ANGPT2: variants seen among roughly 807,000 people sequenced by gnomAD.
The protein encoded by ANGPT2 is angiopoietin 2.
ANGPT2 carries 28 observed loss-of-function variants against 62.9 expected under a neutral mutation model. The observed-to-expected ratio is 0.44, with a 90% CI of 0.33 to 0.61. The LOEUF (loss-of-function observed/expected upper bound fraction) is 0.61. Among genes scored for constraint, ANGPT2 ranks in the 20% least tolerant of loss-of-function variants. ANGPT2 has a pLI of 0.03. For synonymous variants in ANGPT2, 284 were observed against 207.8 expected (o/e 1.37, Z -3.15); for missense variants, 727 against 594.9 (o/e 1.22, Z -2.31).
At chr8:6,509,988 G>C (rs1028946109) in intron 7 of ANGPT2, among the ~76,000 whole-genome samples, 5 of 152,128 alleles carry the variant, frequency 3.3e-5, no homozygotes, top group Non-Finnish European at 7.4e-5. Flanking sequence ...AAATCCCAAA[G>C]TGTAGTTTCT....
In ANGPT2 at chr8:6,503,125, C is replaced by T; in HGVS notation, c.1464G>A (p.Met488Ile). Residue 488 changes from methionine (M) to isoleucine (I), a missense_variant, in exon 9 of 9, where the codon ATG becomes ATA. By Grantham distance (10) the Met-to-Ile change is conservative (BLOSUM62 1). Coordinates refer to ENST00000629816, the MANE Select transcript of ANGPT2 (RefSeq NM_001118887.2). ...TTTAGAAATCTGCTGGTCGGATCAT[C>T]ATGGTTGTGGCCTTGAGCGAATAGC... ...GSGYSLKATT[M>I]MIRPADF 6.2e-7 allele frequency: 1 copy of T among 1,614,204 alleles called. No homozygotes were observed. The highest frequency in any genetic ancestry group is 8.5e-7 in the Non-Finnish European group (1 of 1,180,040).
chr8:6,562,982 A>T lies in ANGPT2; in HGVS notation c.-48T>A. 1 of 1,541,024 alleles carries T rather than the reference A, an allele frequency of 6.5e-7. No individual in the cohort carries two copies. The highest frequency in any genetic ancestry group is 8.8e-7 in the Non-Finnish European group (1 of 1,136,476). On this transcript the variant is annotated 5_prime_UTR_variant, in exon 1 of 9. Coordinates refer to ENST00000629816, the MANE Select transcript of ANGPT2 (RefSeq NM_001118887.2). ...CAGCTTAGCAAACTTGAGGGCAAACACACGTCCAGAGTCCCGAGCTGCTGC... is the reference window on the plus strand; with the variant it reads ...CAGCTTAGCAAACTTGAGGGCAAACTCACGTCCAGAGTCCCGAGCTGCTGC...
At chr8:6,559,017 T>C (rs3020236) in intron 1 of ANGPT2, among the ~76,000 whole-genome samples, 20,751 of 152,088 alleles carry the variant, frequency 0.14, 3,938 homozygotes, top group African/African-American at 0.43. Flanking sequence ...CCTTACTATA[T>C]AGTAATACTA....
At chr8:6,554,914 A>G (rs1256013749) in intron 1 of ANGPT2, among the ~76,000 whole-genome samples, 1 of 152,188 alleles carries the variant, frequency 6.6e-6, no homozygotes, top group Middle Eastern at 3.2e-3. Context: ...GCAAGGAAGG[A>G]TTAGGACAGA....
At chr8:6,540,084 C>T (rs754826612) in intron 1 of ANGPT2, among the ~76,000 whole-genome samples, 1 of 152,198 alleles carries the variant, frequency 6.6e-6, no homozygotes, top group Non-Finnish European at 1.5e-5. Flanking sequence ...TGGATAGGTA[C>T]ACCCTACAGT....
At chr8:6,537,269 G>A (rs1035800876) in intron 1 of ANGPT2, among the ~76,000 whole-genome samples, 2 of 152,150 alleles carry the variant, frequency 1.3e-5, no homozygotes, top group Non-Finnish European at 2.9e-5. Context: ...AATAGGTCCT[G>A]CTGTATATGT....
chr8:6,540,831 G>C (rs578227895), intron 1 of ANGPT2, among the ~76,000 whole-genome samples: 1 of 152,378 alleles, frequency 6.6e-6, no homozygotes, highest in Admixed American at 6.5e-5. Flanking sequence ...CAGGGGCGCC[G>C]CAGGGTGGTT....
intron 1 of ANGPT2, among the ~76,000 whole-genome samples, chr8:6,555,405 T>C (rs1586599289): frequency 1.3e-5 from 2 of 152,036 alleles, no homozygotes; most frequent in East Asian, 3.8e-4. Flanking sequence ...TTTGTAAGAA[T>C]ATCCCATGTA....
At chr8:6,538,715 G>C (rs1820954890) in intron 1 of ANGPT2, among the ~76,000 whole-genome samples, 2 of 152,202 alleles carry the variant, frequency 1.3e-5, no homozygotes, top group South Asian at 4.1e-4. Flanking sequence ...TTTTGTATTT[G>C]TGTCATTTCA....
chr8:6,551,422 A>G (rs1448864792), intron 1 of ANGPT2, among the ~76,000 whole-genome samples: 1 of 152,236 alleles, frequency 6.6e-6, no homozygotes, highest in African/African-American at 2.4e-5. Context: ...TTGTCCAATT[A>G]AAGGAAAAAA....
chr8:6,507,967 T>G (rs1337702531), intron 8 of ANGPT2: 1 of 152,230 alleles, frequency 6.6e-6, no homozygotes, highest in Non-Finnish European at 1.5e-5. Context: ...TTTAAGTGAC[T>G]ACTACAATGG....
intron 1 of ANGPT2, among the ~76,000 whole-genome samples, chr8:6,555,239 A>G (rs1180554143): frequency 1.3e-5 from 2 of 152,160 alleles, no homozygotes; most frequent in African/African-American, 4.8e-5. Context: ...GGACAATAAC[A>G]ATCAAACCGT....
Position 6,505,353 on chromosome 8 carries a change from TTC to T in ANGPT2, c.1328-2094_1328-2093del, listed in dbSNP as rs1162320504. Among the ~76,000 whole-genome samples the T allele has an allele frequency of 8.7e-5, 6 of 68,870 alleles. 1 individual carries two copies. The highest frequency in any genetic ancestry group is 4.2e-4 in the South Asian group (1 of 2,366). 45.2% of individuals were successfully genotyped at this position (68,870 alleles called of 152,430 possible). A position where few individuals can be genotyped will look rare whatever the true frequency, so the allele number is the denominator to read the frequency against. Reference sequence around the variant, plus strand: ...CATATAGAAAGAATATATATATTCTTTCTATATGTATATAGAATATATATATT... The same window carrying T: ...CATATAGAAAGAATATATATATTCTTTATATGTATATAGAATATATATATT... On this transcript the variant is annotated intron_variant, in intron 8 of 8. Transcript: ENST00000629816.
chr8:6,499,817 A>T lies in ANGPT2; in HGVS notation c.*3284T>A. 6.3e-7 allele frequency: 1 copy of T among 1,594,156 alleles called. No individual in the cohort carries two copies. The highest frequency in any genetic ancestry group is 8.6e-7 in the Non-Finnish European group (1 of 1,163,464). ...GTTTATTGCCTGCTAAGGCTAATAA[A>T]TGTATAATAAATCTGCTTGTTGTGT... is the stretch of plus-strand genomic sequence containing the variant. On this transcript the variant is annotated 3_prime_UTR_variant, in exon 9 of 9. Coordinates refer to ENST00000629816, the MANE Select transcript of ANGPT2 (RefSeq NM_001118887.2).
In ANGPT2 at chr8:6,521,163, G is replaced by A. The variant is rs1817260747; in HGVS notation, c.799+15C>T. ...AGGTTATTAACGCTGAAGAAAGCATGATATGTAAACTTACAGTTTGATGTG... is the reference window on the plus strand; with the variant it reads ...AGGTTATTAACGCTGAAGAAAGCATAATATGTAAACTTACAGTTTGATGTG... On this transcript the variant is annotated intron_variant, in intron 4 of 8. Coordinates refer to ENST00000629816, the MANE Select transcript of ANGPT2 (RefSeq NM_001118887.2). 6.3e-7 allele frequency: 1 copy of A among 1,599,830 alleles called. No homozygotes were observed. The highest frequency in any genetic ancestry group is 2.2e-5 in the East Asian group (1 of 44,722).
At chr8:6,517,402 A>G (rs1455253737) in intron 5 of ANGPT2, among the ~76,000 whole-genome samples, 1 of 152,222 alleles carries the variant, frequency 6.6e-6, no homozygotes, top group African/African-American at 2.4e-5. Flanking sequence ...TGTGAAATTT[A>G]GGGAAGGAAA....
intron 5 of ANGPT2, 23 bp downstream of exon 5, chr8:6,519,841 G>C (rs1816971877): frequency 6.2e-7 from 1 of 1,612,134 alleles, no homozygotes; most frequent in Non-Finnish European, 8.5e-7. Flanking sequence ...CAGGGAGTTA[G>C]TAAGGGGAGA....
chr8:6,534,862 T>C (rs1467895364), intron 1 of ANGPT2, among the ~76,000 whole-genome samples: 1 of 152,120 alleles, frequency 6.6e-6, no homozygotes, highest in Non-Finnish European at 1.5e-5. Flanking sequence ...ATAAACTATT[T>C]AAAAGAAGCC....
intron 1 of ANGPT2, among the ~76,000 whole-genome samples, chr8:6,537,617 A>G (rs186929586): frequency 7.3e-5 from 11 of 151,504 alleles, no homozygotes; most frequent in Admixed American, 7.2e-4. Flanking sequence ...GTTTTTTATT[A>G]CTCCCACAAC....
Sources: allele counts gnomAD v4.1 joint callset (sites outside exome capture counted in the v4.1 genomes callset), GRCh38; gene constraint gnomAD v4.1.1; transcripts MANE v1.5; gene names NCBI Gene and HGNC (gene_info 2026-07-23, HGNC 2026-07-21).